Variants in PRDM5 observed in about 807,000 individuals in gnomAD.
PRDM5 encodes the protein PR domain zinc finger protein 5.
Under a neutral mutation model 81.2 loss-of-function variants are expected in PRDM5, and 56 were observed. The ratio of observed to expected loss-of-function variants is 0.69; its 90% CI spans 0.56 to 0.86. The LOEUF is 0.86. Ranked by LOEUF, PRDM5 falls within the 40% of genes least tolerant of loss-of-function variation. The pLI, the probability that PRDM5 is intolerant of heterozygous loss-of-function variation, is 0.00. For missense variants in PRDM5, 697 were observed against 770.1 expected (o/e 0.91, Z 1.12); for synonymous variants, 267 against 256.4 (o/e 1.04, Z -0.39).
intron 15 of PRDM5, among the ~76,000 whole-genome samples, chr4:120,709,840 G>T (rs1394609286): frequency 6.6e-6 from 1 of 152,054 alleles, no homozygotes; most frequent in Non-Finnish European, 1.5e-5. Context: ...AGAAAACCTA[G>T]ACACTTAGTA....
chr4:120,839,383 C>T, intron 3 of PRDM5: 1 of 684,432 alleles, frequency 1.5e-6, no homozygotes, highest in South Asian at 1.5e-5. Flanking sequence ...GTTTTCTTTC[C>T]ACAGGCAGGG....
chr4:120,883,435 T>G (rs1763063642), intron 2 of PRDM5, among the ~76,000 whole-genome samples: 1 of 152,150 alleles, frequency 6.6e-6, no homozygotes, highest in African/African-American at 2.4e-5. Context: ...CACAAAAATT[T>G]TCTGCACTGC....
chr4:120,829,972 T>A (rs559592960), intron 3 of PRDM5, among the ~76,000 whole-genome samples: 17 of 152,060 alleles, frequency 1.1e-4, no homozygotes, highest in Admixed American at 1.3e-4. Context: ...ATATTTAATA[T>A]CCTCTCATAT....
At chr4:120,778,421 C>A (rs762306289) in intron 12 of PRDM5, among the ~76,000 whole-genome samples, 1 of 152,060 alleles carries the variant, frequency 6.6e-6, no homozygotes, top group East Asian at 1.9e-4. Context: ...GGGCAATTAC[C>A]TCATCACCTG....
At chr4:120,698,323 C>T (rs1297585124) in intron 15 of PRDM5, among the ~76,000 whole-genome samples, 2 of 152,094 alleles carry the variant, frequency 1.3e-5, no homozygotes, top group Non-Finnish European at 2.9e-5. Context: ...ATGCCTTTCC[C>T]CTGTCATTCC....
chr4:120,917,108 C>T (rs1475463777), intron 1 of PRDM5, among the ~76,000 whole-genome samples: 1 of 152,158 alleles, frequency 6.6e-6, no homozygotes, highest in African/African-American at 2.4e-5. Flanking sequence ...TGGATCTTCC[C>T]CTAACACTCA....
chr4:120,766,476 T>C (rs1746401445), intron 13 of PRDM5, among the ~76,000 whole-genome samples: 1 of 152,212 alleles, frequency 6.6e-6, no homozygotes, highest in South Asian at 2.1e-4. Flanking sequence ...TAGCTGGAGT[T>C]AAGTTCTCAG....
intron 12 of PRDM5, 26 bp from the exon 13 acceptor site, chr4:120,777,307 A>G (rs373558341): frequency 1.1e-5 from 18 of 1,612,796 alleles, no homozygotes; most frequent in Non-Finnish European, 1.4e-5. Context: ...TAAAAAGGCT[A>G]AGGATAAATA....
intron 10 of PRDM5, among the ~76,000 whole-genome samples, chr4:120,787,530 A>T (rs1749933388): frequency 6.6e-6 from 1 of 152,238 alleles, no homozygotes; most frequent in African/African-American, 2.4e-5. Flanking sequence ...ACAGCAATGC[A>T]GCAGGAGAGA....
At chr4:120,813,553 C>G (rs1754122511) in intron 7 of PRDM5, among the ~76,000 whole-genome samples, 1 of 152,132 alleles carries the variant, frequency 6.6e-6, no homozygotes, top group Non-Finnish European at 1.5e-5. Context: ...ATTCAAGATG[C>G]CTATTCCATT....
chr4:120,744,520 T>A (rs995938681), intron 14 of PRDM5, among the ~76,000 whole-genome samples: 15 of 151,278 alleles, frequency 9.9e-5, no homozygotes, highest in Admixed American at 2.0e-4. Context: ...TCAACAAAAT[T>A]GATAGACCGC....
chr4:120,826,574 T>C (rs1286267791), intron 3 of PRDM5, among the ~76,000 whole-genome samples: 1 of 152,122 alleles, frequency 6.6e-6, no homozygotes, highest in Non-Finnish European at 1.5e-5. Context: ...TCATAATACT[T>C]GCTCAATATT....
At chr4:120,741,084 C>A (rs1223867871) in intron 14 of PRDM5, among the ~76,000 whole-genome samples, 1 of 152,126 alleles carries the variant, frequency 6.6e-6, no homozygotes, top group Non-Finnish European at 1.5e-5. Flanking sequence ...CCCTCCCAAT[C>A]CGATTCAACC....
intron 14 of PRDM5, among the ~76,000 whole-genome samples, chr4:120,719,899 C>G (rs1289942060): frequency 9.9e-5 from 15 of 152,074 alleles, no homozygotes; most frequent in Admixed American, 9.8e-4. Flanking sequence ...TTTTGTCTTT[C>G]TCTATCTAGG....
Position 120,693,078 on chromosome 4 carries a change from A to G in PRDM5, c.*2033T>C, listed in dbSNP as rs1734180428. ...CCATTTTCTAAAGATTTCCATGTCT[A>G]TAAACCTTCAGCAGGATAAAGCCCA... On this transcript the variant is annotated 3_prime_UTR_variant, in exon 16 of 16. Coordinates refer to ENST00000264808, the MANE Select transcript of PRDM5 (RefSeq NM_018699.4). The G allele has an allele frequency of 6.6e-6, 1 of 152,028 alleles. No individual in the cohort carries two copies. Among genetic ancestry groups the G allele is most frequent in the Admixed American group, 6.6e-5 (1 of 15,220 alleles). 9.4% of individuals were successfully genotyped at this position (152,028 alleles called of 1,614,324 possible).
chr4:120,816,460 G>A lies in PRDM5; in HGVS notation c.858C>T (p.Val286=). 1 of 1,614,188 alleles carries A rather than the reference G, an allele frequency of 6.2e-7. No homozygotes were observed. The highest frequency in any genetic ancestry group is 8.5e-7 in the Non-Finnish European group (1 of 1,180,030). ...CCTCCAACGACTCCTCACCAGTGTGGACATTTTCCTGGTGTCTTTTCAGGG... is the reference window on the plus strand; with the variant it reads ...CCTCCAACGACTCCTCACCAGTGTGAACATTTTCCTGGTGTCTTTTCAGGG... ...KDALKRHQEN[V]HTGDPKKKLI... The change falls in exon 7 of 16, where the codon GTC becomes GTT. Residue 286 remains valine, a synonymous_variant. Coordinates refer to ENST00000264808, the MANE Select transcript of PRDM5 (RefSeq NM_018699.4).
At chr4:120,824,304 C>A (rs1328195203) in intron 3 of PRDM5, among the ~76,000 whole-genome samples, 1 of 152,140 alleles carries the variant, frequency 6.6e-6, no homozygotes, top group Admixed American at 6.6e-5. Context: ...GAGATTAATT[C>A]TCCTTACTAT....
At chr4:120,781,493 T>C (rs991147598) in intron 11 of PRDM5, among the ~76,000 whole-genome samples, 190 bp from the exon 12 acceptor site, 6 of 152,206 alleles carry the variant, frequency 3.9e-5, no homozygotes, top group African/African-American at 1.4e-4. Context: ...CAGAAGTCCT[T>C]TCATCTTACA....
chr4:120,730,746 T>C (rs189664047), intron 14 of PRDM5, among the ~76,000 whole-genome samples: 83 of 152,292 alleles, frequency 5.5e-4, no homozygotes, highest in African/African-American at 1.9e-3. Flanking sequence ...AGTCTAAAGA[T>C]AATACAGTGG....
Sources: allele counts gnomAD v4.1 joint callset (sites outside exome capture counted in the v4.1 genomes callset), GRCh38; gene constraint gnomAD v4.1.1; transcripts MANE v1.5; gene names NCBI Gene and HGNC (gene_info 2026-07-23, HGNC 2026-07-21).